Variants in LRRC39 observed in about 807,000 individuals in gnomAD.
LRRC39 encodes the protein leucine rich repeat containing 39, also known as leucine-rich repeat-containing protein 39.
In LRRC39, 35 loss-of-function variants were observed where a neutral mutation model predicts 39.7. The ratio of observed to expected loss-of-function variants is 0.88; its 90% CI spans 0.67 to 1.17. The LOEUF (loss-of-function observed/expected upper bound fraction) is 1.17. Among genes scored for constraint, LRRC39 ranks in the 50% most tolerant of loss-of-function variants. LRRC39 has a pLI of 0.00. For synonymous variants in LRRC39, 113 were observed against 134.1 expected (o/e 0.84, Z 1.09); for missense variants, 357 against 385.8 (o/e 0.93, Z 0.62).
intron 3 of LRRC39, among the ~76,000 whole-genome samples, chr1:100,161,587 T>C (rs1658882061): frequency 6.6e-6 from 1 of 152,232 alleles, no homozygotes; most frequent in Non-Finnish European, 1.5e-5. Flanking sequence ...GACCATGTTT[T>C]CATTTTTCTT....
At chr1:100,173,171 C>T (rs558667522) in intron 2 of LRRC39, among the ~76,000 whole-genome samples, 160 bp downstream of exon 2, 3 of 150,406 alleles carry the variant, frequency 2.0e-5, no homozygotes, top group African/African-American at 4.9e-5. Flanking sequence ...ACCCAAGAGG[C>T]GGAGGTTGCA....
chr1:100,155,790 A>T (rs923737106), intron 7 of LRRC39, among the ~76,000 whole-genome samples: 5 of 152,180 alleles, frequency 3.3e-5, no homozygotes, highest in African/African-American at 9.7e-5. Context: ...GTTAGCTAAC[A>T]TCTCTGTCAT....
At position 100,149,087 on chromosome 1, in the gene LRRC39, G is replaced by T; in HGVS notation, c.963C>A (p.Val321=). 6.2e-7 allele frequency: 1 copy of T among 1,601,648 alleles called. No individual in the cohort carries two copies. Among genetic ancestry groups the T allele is most frequent in the South Asian group, 1.1e-5 (1 of 88,210 alleles). ...AGATTGGTAAAGTAGTTGAACCGTT[G>T]ACTTGGTGATCTGAAACATACATAA... ...QESRRRADHQ[V]NGSTTLPISI... is the part of the protein sequence containing the mutation. Residue 321 remains valine (V), a synonymous_variant, in exon 10 of 10, where the codon GTC becomes GTA. Transcript: ENST00000370137.
intron 2 of LRRC39, among the ~76,000 whole-genome samples, chr1:100,171,207 G>T (rs1248855352): frequency 1.3e-5 from 2 of 152,020 alleles, no homozygotes; most frequent in Non-Finnish European, 2.9e-5. Flanking sequence ...AACTTAGGAA[G>T]AATACTGAAA....
At chr1:100,178,358 T>G (rs1660091219), upstream of LRRC39, 1 of 152,086 alleles carries the variant, frequency 6.6e-6, no homozygotes, top group Non-Finnish European at 1.5e-5. Context: ...GAGTGCGTTC[T>G]GTGGACTGCA....
upstream of LRRC39, among the ~76,000 whole-genome samples, chr1:100,179,499 C>CAAAAAAAAAAAAAAAAA (rs60588308): frequency 6.8e-4 from 31 of 45,608 alleles, 1 homozygote; most frequent in African/African-American, 2.5e-3. Flanking sequence ...CTGTATCTAC[C>CAAAAAAAAAAAAAAAAA]AAAAAAAAAA....
At chr1:100,165,010 A>T (rs960086750) in intron 3 of LRRC39, among the ~76,000 whole-genome samples, 1 of 152,126 alleles carries the variant, frequency 6.6e-6, no homozygotes, top group Admixed American at 6.6e-5. Context: ...CTGGAAAATT[A>T]TTTATTTAGT....
At chr1:100,160,786 G>A (rs928200501) in intron 3 of LRRC39, among the ~76,000 whole-genome samples, 1 of 150,588 alleles carries the variant, frequency 6.6e-6, no homozygotes, top group East Asian at 2.0e-4. Context: ...CACCACACCC[G>A]GCTAATTTTT....
intron 7 of LRRC39, among the ~76,000 whole-genome samples, chr1:100,155,558 C>G (rs1266537175): frequency 6.6e-6 from 1 of 152,192 alleles, no homozygotes; most frequent in Non-Finnish European, 1.5e-5. Flanking sequence ...GAAATGAAAT[C>G]AAATCAACAT....
chr1:100,148,665 T>C lies in LRRC39; in HGVS notation c.*377A>G. The C allele has an allele frequency of 6.2e-7, 1 of 1,611,674 alleles. No homozygotes were observed. Among genetic ancestry groups the C allele is most frequent in the Non-Finnish European group, 8.5e-7 (1 of 1,179,442 alleles). On this transcript the variant is annotated 3_prime_UTR_variant, in exon 10 of 10. Coordinates refer to ENST00000370137, the MANE Select transcript of LRRC39 (RefSeq NM_144620.4). ...AGAAAAGAAGAAAATAGGGCATCTT[T>C]GTAAATTGCTGATTGACCAAGGTCG...
chr1:100,178,170 G>A lies in LRRC39; in HGVS notation c.-154C>T, dbSNP rs1381099368. The stretch of plus-strand genomic sequence containing the variant: ...CAAAGTTAGCGACTATCAGTTAAGA[G>A]TAGATTGCAGGGGGAAATTTTTTTT... On this transcript the variant is annotated 5_prime_UTR_variant, in exon 1 of 10. Transcript: ENST00000370137. 3 of 152,176 alleles carry A rather than the reference G, an allele frequency of 2.0e-5. No homozygotes were observed. The highest frequency in any genetic ancestry group is 4.4e-5 in the Non-Finnish European group (3 of 68,018). 9.4% of individuals were successfully genotyped at this position (152,176 alleles called of 1,614,324 possible).
At chr1:100,160,751 A>C (rs1658819378) in intron 3 of LRRC39, among the ~76,000 whole-genome samples, 180 bp from the exon 4 acceptor site, 1 of 151,266 alleles carries the variant, frequency 6.6e-6, no homozygotes, top group Admixed American at 6.6e-5. Flanking sequence ...CAGACTCCCG[A>C]GTAGCCAGGA....
chr1:100,168,379 A>G, intron 3 of LRRC39, 25 bp downstream of exon 3: 1 of 1,523,404 alleles, frequency 6.6e-7, no homozygotes, highest in Non-Finnish European at 9.0e-7. Context: ...CACTAATTCA[A>G]AATAATAAAT....
intron 6 of LRRC39, 96 bp from the exon 7 acceptor site, chr1:100,156,413 A>G: frequency 8.2e-7 from 1 of 1,217,242 alleles, no homozygotes; most frequent in East Asian, 2.6e-5. Flanking sequence ...ATCCAGGAAT[A>G]TTCACATTTT....
intron 1 of LRRC39, among the ~76,000 whole-genome samples, chr1:100,176,753 A>C (rs1659992753): frequency 6.6e-6 from 1 of 152,240 alleles, no homozygotes; most frequent in Non-Finnish European, 1.5e-5. Context: ...GGCTCTGCAG[A>C]AAACAGAAAT....
At chr1:100,152,309 C>G in intron 9 of LRRC39, 76 bp downstream of exon 9, 1 of 1,358,660 alleles carries the variant, frequency 7.4e-7, no homozygotes, top group Non-Finnish European at 9.9e-7. Flanking sequence ...AGGAATTAAT[C>G]AAAAGGCAGC....
chr1:100,166,092 A>C (rs1432636251), intron 3 of LRRC39, among the ~76,000 whole-genome samples: 1 of 152,024 alleles, frequency 6.6e-6, no homozygotes, highest in South Asian at 2.1e-4. Flanking sequence ...CTGTCATGTA[A>C]GATGTCCCTT....
intron 2 of LRRC39, among the ~76,000 whole-genome samples, chr1:100,170,059 G>A (rs941599441): frequency 6.6e-6 from 1 of 152,104 alleles, no homozygotes; most frequent in Non-Finnish European, 1.5e-5. Context: ...AATCCTGAGT[G>A]TTGTTTATGA....
In LRRC39 at chr1:100,158,371, T is replaced by TA. The variant is rs1658615270; in HGVS notation, c.377-5dup. ...TCCTGAAGTCTAGTAAGCAGTCCTA[T>TA]AAAAAATAATATACAATAGAGAGGA... On this transcript the variant is annotated splice_region_variant and splice_polypyrimidine_tract_variant and intron_variant, in intron 5 of 9. Transcript: ENST00000370137. 6.2e-7 allele frequency: 1 copy of TA among 1,608,122 alleles called. No individual in the cohort carries two copies.
Sources: allele counts gnomAD v4.1 joint callset (sites outside exome capture counted in the v4.1 genomes callset), GRCh38; gene constraint gnomAD v4.1.1; transcripts MANE v1.5; gene names NCBI Gene and HGNC (gene_info 2026-07-23, HGNC 2026-07-21).